Variants in HMGN3 observed in about 807,000 individuals in gnomAD.
The protein encoded by HMGN3 is high mobility group nucleosome-binding domain-containing protein 3.
HMGN3 carries 6 observed loss-of-function variants against 18.8 expected under a neutral mutation model. That is an observed-to-expected ratio of 0.32 (90% confidence interval 0.18 to 0.63). HMGN3 has a LOEUF of 0.63. Among genes scored for constraint, HMGN3 ranks in the 30% least tolerant of loss-of-function variants. The probability of loss-of-function intolerance (pLI) is 0.79; values close to 1 mark genes in which losing one functional copy is unlikely to be tolerated. For missense variants in HMGN3, 107 were observed against 114.2 expected, an observed-to-expected ratio of 0.94 and a Z score of 0.29; for synonymous variants, 40 against 36.5, an observed-to-expected ratio of 1.10 and a Z score of -0.35.
intron 3 of HMGN3, among the ~76,000 whole-genome samples, chr6:79,205,943 C>T (rs1358825877): frequency 1.3e-5 from 2 of 152,120 alleles, no homozygotes; most frequent in Non-Finnish European, 2.9e-5. Flanking sequence ...ACTCTTGTTA[C>T]GTTTTAGCAA....
intron 3 of HMGN3, among the ~76,000 whole-genome samples, chr6:79,204,359 T>G (rs2127811999): frequency 6.6e-6 from 1 of 152,318 alleles, no homozygotes; most frequent in South Asian, 2.1e-4. Flanking sequence ...TTGCCTCATG[T>G]GGTCCTCCTC....
At chr6:79,214,974 C>T (rs1161967542) in exon 2 of HMGN3, 3 of 1,475,328 alleles carry the variant, frequency 2.0e-6, no homozygotes, top group Non-Finnish European at 2.8e-6. Context: ...ATACTTACCT[C>T]CTGTTTAGTT....
chr6:79,225,068 A>C (rs531533058), intron 1 of HMGN3, among the ~76,000 whole-genome samples: 1 of 152,344 alleles, frequency 6.6e-6, no homozygotes, highest in South Asian at 2.1e-4. Context: ...GAACTTAAGG[A>C]GCCTTTAAAG....
rs1049756400 is a variant in HMGN3, at chr6:79,210,212, C to T, written c.67-1636G>A. On this transcript the variant is annotated intron_variant, in intron 2 of 5. Coordinates refer to ENST00000344726, the Ensembl canonical transcript of HMGN3. Reference sequence around the variant, plus strand: ...CTGAAGGCAACATTTTCAAGTAAACCGGGCAATAAGAGGTATCTTGTGTTT... The same window carrying T: ...CTGAAGGCAACATTTTCAAGTAAACTGGGCAATAAGAGGTATCTTGTGTTT... Among the ~76,000 whole-genome samples, 9 of 151,986 alleles carry T rather than the reference C, an allele frequency of 5.9e-5. 1 individual carries two copies. The East Asian group carries it at 1.2e-3, about 20-fold the overall frequency.
chr6:79,203,193 C>A (rs1264522948), intron 4 of HMGN3, among the ~76,000 whole-genome samples: 1 of 152,102 alleles, frequency 6.6e-6, no homozygotes, highest in African/African-American at 2.4e-5. Flanking sequence ...ATTATTAGAC[C>A]TCAGACTGGC....
chr6:79,203,676 ACT>A, intron 3 of HMGN3, 46 bp from the exon 4 acceptor site: 1 of 958,278 alleles, frequency 1.0e-6, no homozygotes, highest in Non-Finnish European at 1.6e-6. Flanking sequence ...AAAAAAAAAA[ACT>A]ATCAGCACCA....
At chr6:79,202,983 G>A (rs868174771) in intron 4 of HMGN3, among the ~76,000 whole-genome samples, 3 of 152,088 alleles carry the variant, frequency 2.0e-5, no homozygotes, top group African/African-American at 4.8e-5. Context: ...CAATACCAAA[G>A]GGCAGAGTGC....
At chr6:79,233,963 C>A (rs1190309047) in intron 1 of HMGN3, 1 of 152,548 alleles carries the variant, frequency 6.6e-6, no homozygotes, top group Non-Finnish European at 1.5e-5. Flanking sequence ...CTCGCCGGCC[C>A]CAGCCCTGAT....
intron 1 of HMGN3, among the ~76,000 whole-genome samples, chr6:79,219,802 CTGGTGTTCG>C (rs1777178180): frequency 6.6e-6 from 1 of 152,092 alleles, no homozygotes; most frequent in South Asian, 2.1e-4. Flanking sequence ...TCTTTAAAAT[CTGGTGTTCG>C]TTTTATACTT....
chr6:79,231,556 A>G (rs1031713566), intron 1 of HMGN3, among the ~76,000 whole-genome samples: 5 of 152,258 alleles, frequency 3.3e-5, no homozygotes, highest in African/African-American at 1.2e-4. Flanking sequence ...AGTTATGACT[A>G]TCACACACAA....
At chr6:79,201,721 C>T in exon 6 of HMGN3, 1 of 1,606,012 alleles carries the variant, frequency 6.2e-7, no homozygotes, top group Non-Finnish European at 8.5e-7. Context: ...ATTCAGTTTT[C>T]TGTGCCTGTG....
chr6:79,215,720 A>G (rs781330569), intron 1 of HMGN3, among the ~76,000 whole-genome samples: 3 of 152,234 alleles, frequency 2.0e-5, no homozygotes, highest in Admixed American at 6.5e-5. Context: ...TGGGAAAAAC[A>G]TATCTTATAT....
chr6:79,234,420 TG>T, intron 1 of HMGN3, 125 bp downstream of exon 1: 1 of 842,946 alleles, frequency 1.2e-6, no homozygotes, highest in Non-Finnish European at 2.0e-6. Flanking sequence ...AAAACAAGCG[TG>T]GAGGAGCAAA....
At chr6:79,220,821 G>C (rs1359835454) in intron 1 of HMGN3, among the ~76,000 whole-genome samples, 1 of 152,092 alleles carries the variant, frequency 6.6e-6, no homozygotes, top group Non-Finnish European at 1.5e-5. Context: ...AGGTATAAAA[G>C]CAAGAACTGG....
In HMGN3 at chr6:79,220,515, C is replaced by T. The variant is rs758990040; in HGVS notation, c.16-5493G>A. Among the ~76,000 whole-genome samples, 15 of 152,312 alleles carry T rather than the reference C, an allele frequency of 9.8e-5. No individual in the cohort carries two copies. In the East Asian group the frequency reaches 1.7e-3, roughly 18 times the overall value. ...AGGCTGGAGTGCAATGGCGCGATCT[C>T]GGCTCACTTCAACCTCCACCTCCTG... On this transcript the variant is annotated intron_variant, in intron 1 of 5. Coordinates refer to ENST00000344726, the Ensembl canonical transcript of HMGN3.
chr6:79,229,382 C>T (rs1712294205), intron 1 of HMGN3, among the ~76,000 whole-genome samples: 1 of 152,120 alleles, frequency 6.6e-6, no homozygotes, highest in African/African-American at 2.4e-5. Flanking sequence ...GGCAAAATAT[C>T]TGAATAGACA....
intron 3 of HMGN3, among the ~76,000 whole-genome samples, chr6:79,205,604 G>A (rs1478688386): frequency 1.3e-5 from 2 of 152,214 alleles, no homozygotes; most frequent in African/African-American, 4.8e-5. Flanking sequence ...CCAGTCTTGG[G>A]TATGTCTTTA....
At chr6:79,203,666 A>G (rs757230892) in intron 3 of HMGN3, 36 bp from the exon 4 acceptor site, 3 of 1,475,798 alleles carry the variant, frequency 2.0e-6, no homozygotes, top group East Asian at 2.3e-5. Context: ...AATACTGAAA[A>G]AAAAAAAAAA....
intron 1 of HMGN3, among the ~76,000 whole-genome samples, chr6:79,220,700 G>A (rs2127830718): frequency 6.6e-6 from 1 of 152,214 alleles, no homozygotes; most frequent in African/African-American, 2.4e-5. Flanking sequence ...ACCCACTTTG[G>A]CCTCCCAAAG....
Sources: allele counts gnomAD v4.1 joint callset (sites outside exome capture counted in the v4.1 genomes callset), GRCh38; gene constraint gnomAD v4.1.1; transcripts MANE v1.5; gene names NCBI Gene and HGNC (gene_info 2026-07-23, HGNC 2026-07-21).